The following SEPSECS variants were observed in gnomAD, a reference collection of about 807,000 sequenced individuals.
SEPSECS encodes the protein Sep (O-phosphoserine) tRNA:Sec (selenocysteine) tRNA synthase, also known as O-phosphoseryl-tRNA(Sec) selenium transferase.
In SEPSECS, 42 loss-of-function variants were observed where a neutral mutation model predicts 52.1. That is an observed-to-expected ratio of 0.81 (90% confidence interval 0.63 to 1.04). The LOEUF (loss-of-function observed/expected upper bound fraction) is 1.04, where lower values mean the gene tolerates loss of function less well. Among genes scored for constraint, SEPSECS ranks in the 50% least tolerant of loss-of-function variants. The probability of loss-of-function intolerance (pLI) is 0.00; values close to 1 mark genes in which losing one functional copy is unlikely to be tolerated. For synonymous variants in SEPSECS, 216 were observed against 211.4 expected (o/e 1.02, Z -0.19); for missense variants, 590 against 610.6 (o/e 0.97, Z 0.36).
chr4:25,140,520 C>T (rs1006941975), intron 8 of SEPSECS, among the ~76,000 whole-genome samples: 2 of 152,166 alleles, frequency 1.3e-5, no homozygotes, highest in Non-Finnish European at 2.9e-5. Context: ...CACAATTCAC[C>T]TCATACATGT....
At chr4:25,157,829 G>A (rs1412976909) in intron 2 of SEPSECS, among the ~76,000 whole-genome samples, 2 of 152,152 alleles carry the variant, frequency 1.3e-5, no homozygotes, top group East Asian at 3.9e-4. Flanking sequence ...ACCGGCGTGA[G>A]CCACCGTGCC....
At chr4:25,158,408 TC>T (rs1712820385) in intron 2 of SEPSECS, among the ~76,000 whole-genome samples, 1 of 152,006 alleles carries the variant, frequency 6.6e-6, no homozygotes, top group Admixed American at 6.6e-5. Flanking sequence ...ACCAATTAAA[TC>T]GTTATCAGAA....
At chr4:25,132,504 ATATT>A (rs1728650355) in intron 8 of SEPSECS, among the ~76,000 whole-genome samples, 1 of 152,182 alleles carries the variant, frequency 6.6e-6, no homozygotes, top group African/African-American at 2.4e-5. Flanking sequence ...TAAAAAAACA[ATATT>A]TATGCTACAT....
Position 25,144,804 on chromosome 4 carries a change from A to C in SEPSECS, c.996T>G (p.Asn332Lys), listed in dbSNP as rs879842693. The C allele has an allele frequency of 2.7e-5, 43 of 1,613,030 alleles. No individual in the cohort carries two copies. The highest frequency in any genetic ancestry group is 3.3e-5 in the Non-Finnish European group (39 of 1,179,358). Reference protein sequence around the residue: ...VLITLLSLGSNGYKKLLKERK... With the variant: ...VLITLLSLGSKGYKKLLKERK... ...TTTCTTTTAGTAGCTTCTTATAGCC[A>C]TTTGATCCAAGTGACAATAAAGTAA... Residue 332 changes from asparagine to lysine, a missense_variant, in exon 8 of 11, where the codon AAT becomes AAG. By Grantham distance (94) the Asn-to-Lys change is moderately conservative (BLOSUM62 0). Transcript: ENST00000382103.
rs1358725457 is a variant in SEPSECS at position 25,127,285 on chromosome 4, G to C, written c.1099C>G (p.Pro367Ala). Reference protein sequence around the residue: ...EAYNERLLHTPHNPISLAMTL... With the variant: ...EAYNERLLHTAHNPISLAMTL... ...TTACCTAAAGATATGGGATTGTGAG[G>C]TGTATGCAACAGTCTTTCATTGTAG... The change falls in exon 9 of 11, where the codon CCT becomes GCT. Residue 367 changes from proline (P) to alanine (A), a missense_variant. Coordinates refer to ENST00000382103, the MANE Select transcript of SEPSECS (RefSeq NM_016955.4). 1 of 1,611,234 alleles carries C rather than the reference G, an allele frequency of 6.2e-7. No homozygotes were observed.
At chr4:25,155,710 T>A (rs553871751) in intron 4 of SEPSECS, among the ~76,000 whole-genome samples, 1 of 152,274 alleles carries the variant, frequency 6.6e-6, no homozygotes, top group East Asian at 1.9e-4. Flanking sequence ...TACAAAAGCC[T>A]CCTATGAAAA....
intron 8 of SEPSECS, among the ~76,000 whole-genome samples, chr4:25,133,363 T>G (rs1013281443): frequency 6.6e-6 from 1 of 152,158 alleles, no homozygotes; most frequent in African/African-American, 2.4e-5. Context: ...AACATAAAAT[T>G]TCTCCCATAA....
At chr4:25,159,698 G>A (rs1712933375) in intron 1 of SEPSECS, 2 of 589,878 alleles carry the variant, frequency 3.4e-6, no homozygotes, top group South Asian at 4.9e-5. Flanking sequence ...CGTGAACCCG[G>A]GAGGCGGAGG....
intron 1 of SEPSECS, chr4:25,159,779 C>A (rs990853168): frequency 7.1e-5 from 78 of 1,093,922 alleles, no homozygotes; most frequent in Non-Finnish European, 8.6e-5. Flanking sequence ...TTCAAAAAAA[C>A]AAAACACAAC....
chr4:25,149,233 T>A (rs6826204), intron 6 of SEPSECS, among the ~76,000 whole-genome samples: 57,403 of 151,756 alleles, frequency 0.38, 12,932 homozygotes, highest in Non-Finnish European at 0.5. Flanking sequence ...AATTTTTTTT[T>A]AAATTTTAGT....
chr4:25,158,743 T>TA (rs1327177600), intron 2 of SEPSECS, among the ~76,000 whole-genome samples: 1 of 152,166 alleles, frequency 6.6e-6, no homozygotes, highest in Admixed American at 6.5e-5. Flanking sequence ...AACCCCCACT[T>TA]AGTTTTTACT....
chr4:25,125,777 T>G lies in SEPSECS; in HGVS notation c.1128A>C (p.Thr376=). Residue 376 remains threonine, a synonymous_variant, in exon 10 of 11, where the codon ACA becomes ACC. Transcript: ENST00000382103. ...CACGGTGTTCATCTAGTGTTTTAAG[T>G]GTCATAGCTGAAAAAGAAAAAAGTA... is the stretch of plus-strand genomic sequence containing the variant. The part of the protein sequence containing the change: ...TPHNPISLAM[T]LKTLDEHRDK... The G allele has an allele frequency of 3.7e-6, 6 of 1,610,484 alleles. No homozygotes were observed. The highest frequency in any genetic ancestry group is 5.1e-6 in the Non-Finnish European group (6 of 1,177,448).
In SEPSECS at chr4:25,121,628, C is replaced by T. The variant is rs1435423802; in HGVS notation, c.*2303G>A. Reference sequence around the variant, plus strand: ...CAAAGGAAAGCCTGAATAGACAGAACTCTTCAAAAACTCTTGTGAATTCTA... The same window carrying T: ...CAAAGGAAAGCCTGAATAGACAGAATTCTTCAAAAACTCTTGTGAATTCTA... On this transcript the variant is annotated 3_prime_UTR_variant, in exon 11 of 11. Coordinates refer to ENST00000382103, the MANE Select transcript of SEPSECS (RefSeq NM_016955.4). 1.3e-5 allele frequency: 2 copies of T among 152,252 alleles called. No individual in the cohort carries two copies. The highest frequency in any genetic ancestry group is 3.9e-4 in the East Asian group (2 of 5,188). The allele number at this position is 152,252 out of a possible 1,614,324, so 9.4% of individuals were successfully genotyped here.
At chr4:25,143,380 C>T (rs1380338151) in intron 8 of SEPSECS, among the ~76,000 whole-genome samples, 5 of 152,182 alleles carry the variant, frequency 3.3e-5, no homozygotes, top group Non-Finnish European at 5.9e-5. Flanking sequence ...ATTAATCTTT[C>T]TTCTTTCCTT....
chr4:25,160,309 C>T lies in SEPSECS; in HGVS notation c.61G>A (p.Gly21Ser). The T allele has an allele frequency of 6.5e-7, 1 of 1,549,720 alleles. No homozygotes were observed. The highest frequency in any genetic ancestry group is 8.7e-7 in the Non-Finnish European group (1 of 1,146,418). ...TCATGCGAGCGGCGGGCCTCACAGC[C>T]CTGCCGCACGTAAGCCGGCGACACC... The part of the protein sequence containing the change: ...RLVSPAYVRQ[G>S]CEARRSHEHL... Residue 21 changes from glycine to serine, a missense_variant, in exon 1 of 11, where the codon GGC becomes AGC. Coordinates refer to ENST00000382103, the MANE Select transcript of SEPSECS (RefSeq NM_016955.4).
At chr4:25,156,695 T>G (rs374305379) in intron 3 of SEPSECS, among the ~76,000 whole-genome samples, 161 bp downstream of exon 3, 1 of 101,828 alleles carries the variant, frequency 9.8e-6, no homozygotes, top group Admixed American at 1.7e-4. Context: ...GCAACAGAGC[T>G]AGACTCCGTC....
chr4:25,143,973 T>C (rs1171308401), intron 8 of SEPSECS, among the ~76,000 whole-genome samples: 3 of 152,138 alleles, frequency 2.0e-5, no homozygotes, highest in Non-Finnish European at 2.9e-5. Context: ...GTGTTGGAGA[T>C]AAAGTCATGT....
At chr4:25,147,762 A>G (rs139327989) in intron 6 of SEPSECS, among the ~76,000 whole-genome samples, 89 of 152,362 alleles carry the variant, frequency 5.8e-4, no homozygotes, top group African/African-American at 2.0e-3. Flanking sequence ...TAAAAACAAA[A>G]AAGTTAAAAA....
chr4:25,126,545 T>C (rs1728381032), intron 9 of SEPSECS, among the ~76,000 whole-genome samples: 1 of 152,214 alleles, frequency 6.6e-6, no homozygotes, highest in Non-Finnish European at 1.5e-5. Flanking sequence ...TGAAACATTA[T>C]ATTACATATA....
Sources: gnomAD v4.1 joint callset for allele counts (sites outside exome capture counted in the v4.1 genomes callset) on GRCh38, gnomAD v4.1.1 for gene constraint, MANE v1.5 for transcripts, NCBI Gene and HGNC (gene_info 2026-07-23, HGNC 2026-07-21) for gene names.